Variants in TMOD2 observed in about 807,000 individuals in gnomAD.
TMOD2 encodes tropomodulin 2.
Under a neutral mutation model 39.9 loss-of-function variants are expected in TMOD2, and 22 were observed. The observed-to-expected ratio is 0.55, with a 90% CI of 0.39 to 0.79. TMOD2 has a LOEUF of 0.79. TMOD2 is among the 30% of genes least tolerant of loss of function. The pLI is 0.00. For missense variants in TMOD2, 386 were observed against 413.3 expected, an observed-to-expected ratio of 0.93 and a Z score of 0.57; for synonymous variants, 123 against 146.1, an observed-to-expected ratio of 0.84 and a Z score of 1.14.
intron 7 of TMOD2, among the ~76,000 whole-genome samples, chr15:51,786,528 A>T (rs996368325): frequency 6.6e-6 from 1 of 152,184 alleles, no homozygotes; most frequent in Admixed American, 6.5e-5. Context: ...CAGAAAACAT[A>T]TTTTGGGGTT....
At chr15:51,778,284 A>G (rs2055902893) in intron 5 of TMOD2, among the ~76,000 whole-genome samples, 1 of 142,220 alleles carries the variant, frequency 7.0e-6, no homozygotes, top group African/African-American at 2.6e-5. Flanking sequence ...GGAATTGAAC[A>G]ATGAGAACAC....
At position 51,808,753 on chromosome 15, in the gene TMOD2, T is replaced by G. The variant is rs1271371676; in HGVS notation, c.*299T>G. The G allele has an allele frequency of 7.1e-6, 2 of 281,934 alleles. No homozygotes were observed. The highest frequency in any genetic ancestry group is 1.3e-5 in the Non-Finnish European group (2 of 149,338). The allele number at this position is 281,934 out of a possible 1,614,324, so 17.5% of individuals were successfully genotyped here. ...CACTTTCTTATTGGGTTGTCTTGCT[T>G]TCTTACATGAACTTGTTTTTTTAAT... On this transcript the variant is annotated 3_prime_UTR_variant, in exon 10 of 10. Transcript: ENST00000249700.
intron 7 of TMOD2, among the ~76,000 whole-genome samples, chr15:51,791,450 A>G (rs2056011325): frequency 6.6e-6 from 1 of 152,258 alleles, no homozygotes; most frequent in South Asian, 2.1e-4. Flanking sequence ...TTGTAGATTC[A>G]ACACTATCCC....
At chr15:51,778,719 A>G (rs1186344636) in intron 5 of TMOD2, among the ~76,000 whole-genome samples, 1 of 141,620 alleles carries the variant, frequency 7.1e-6, no homozygotes, top group Non-Finnish European at 1.5e-5. Flanking sequence ...CAGTGGCACA[A>G]TCTCGGCTCA....
intron 1 of TMOD2, among the ~76,000 whole-genome samples, chr15:51,759,407 T>A (rs1241271367): frequency 6.6e-6 from 1 of 152,140 alleles, no homozygotes; most frequent in Non-Finnish European, 1.5e-5. Context: ...TGGATATATA[T>A]TATAATTAAA....
intron 8 of TMOD2, among the ~76,000 whole-genome samples, chr15:51,805,456 C>T (rs2056116286): frequency 6.6e-6 from 1 of 152,086 alleles, no homozygotes; most frequent in African/African-American, 2.4e-5. Context: ...CTCAGAATCA[C>T]CTAGCAAGAT....
chr15:51,764,629 A>G (rs952115166), intron 1 of TMOD2, among the ~76,000 whole-genome samples: 1 of 152,204 alleles, frequency 6.6e-6, no homozygotes, highest in Non-Finnish European at 1.5e-5. Flanking sequence ...AAGGCGCAGA[A>G]GGAAGGCCCT....
In TMOD2 at chr15:51,781,164, A is replaced by G; in HGVS notation, c.614A>G (p.Asn205Ser). 2 of 1,607,208 alleles carry G rather than the reference A, an allele frequency of 1.2e-6. No homozygotes were observed. Among genetic ancestry groups the G allele is most frequent in the Non-Finnish European group, 1.7e-6 (2 of 1,178,380 alleles). The change falls in exon 6 of 10, where the codon AAC becomes AGC. Residue 205 changes from asparagine (N) to serine (S), a missense_variant. Transcript: ENST00000249700. ...CCTAGCTTGCAAGAAGTCAACCTCA[A>G]CAACATTAAGGTATTTCATTGTGAT... Reference protein sequence around the residue: ...NDPSLQEVNLNNIKNIPIPTL... With the variant: ...NDPSLQEVNLSNIKNIPIPTL...
At chr15:51,784,426 T>TC (rs1408592981) in intron 7 of TMOD2, 1 of 152,222 alleles carries the variant, frequency 6.6e-6, no homozygotes, top group Non-Finnish European at 1.5e-5. Context: ...TGACTACCTA[T>TC]CATGGTCCTG....
chr15:51,775,866 G>A (rs1330133730), intron 4 of TMOD2, among the ~76,000 whole-genome samples: 3 of 152,022 alleles, frequency 2.0e-5, no homozygotes, highest in Non-Finnish European at 4.4e-5. Flanking sequence ...ATGAGCCATC[G>A]CACCCGGCCC....
intron 8 of TMOD2, 55 bp from the exon 9 acceptor site, chr15:51,806,322 A>G: frequency 1.2e-6 from 2 of 1,600,342 alleles, no homozygotes; most frequent in Non-Finnish European, 8.5e-7. Context: ...TGTGCAAGTA[A>G]CTGTTTCCTC....
intron 7 of TMOD2, among the ~76,000 whole-genome samples, chr15:51,786,301 G>C (rs2055969708): frequency 1.3e-5 from 2 of 152,030 alleles, no homozygotes; most frequent in Admixed American, 1.3e-4. Context: ...GTGCCTGGGT[G>C]ATGTTTTATT....
At chr15:51,782,396 G>C (rs1302721716) in intron 6 of TMOD2, among the ~76,000 whole-genome samples, 1 of 152,192 alleles carries the variant, frequency 6.6e-6, no homozygotes, top group Non-Finnish European at 1.5e-5. Context: ...TATTAAAACA[G>C]TGGCAAATAC....
intron 3 of TMOD2, among the ~76,000 whole-genome samples, chr15:51,771,858 C>A (rs1233704488): frequency 1.3e-5 from 2 of 152,080 alleles, no homozygotes; most frequent in African/African-American, 2.4e-5. Flanking sequence ...TAATTTGTTT[C>A]CCAGTGTATT....
chr15:51,786,796 G>A (rs1427548633), intron 7 of TMOD2, among the ~76,000 whole-genome samples: 2 of 152,212 alleles, frequency 1.3e-5, no homozygotes, highest in Non-Finnish European at 2.9e-5. Context: ...TTACAATGAT[G>A]CCACATAAAA....
chr15:51,809,511 G>A lies in TMOD2; in HGVS notation c.*1057G>A, dbSNP rs1295016562. 1 of 152,278 alleles carries A rather than the reference G, an allele frequency of 6.6e-6. No individual in the cohort carries two copies. Among genetic ancestry groups the A allele is most frequent in the Non-Finnish European group, 1.5e-5 (1 of 68,046 alleles). The allele number at this position is 152,278 out of a possible 1,614,324, so 9.4% of individuals were successfully genotyped here. A position where few individuals can be genotyped will look rare whatever the true frequency, so the allele number is the denominator to read the frequency against. Reference sequence around the variant, plus strand: ...ATGTGAATTATTTATCCAGATGCATGTCATCTCAAGGACAAAGCCTGTGAA... The same window carrying A: ...ATGTGAATTATTTATCCAGATGCATATCATCTCAAGGACAAAGCCTGTGAA... On this transcript the variant is annotated 3_prime_UTR_variant, in exon 10 of 10. Coordinates refer to ENST00000249700, the MANE Select transcript of TMOD2 (RefSeq NM_014548.4).
rs1481381090 is a variant in TMOD2 at position 51,782,802 on chromosome 15, A to G, written c.706A>G (p.Thr236Ala). The G allele has an allele frequency of 8.1e-6, 13 of 1,614,076 alleles. No individual in the cohort carries two copies. Among genetic ancestry groups the G allele is most frequent in the Non-Finnish European group, 1.1e-5 (13 of 1,179,936 alleles). Residue 236 changes from threonine to alanine, a missense_variant, in exon 7 of 10, where the codon ACT (threonine) becomes GCT (alanine). Transcript: ENST00000249700. The part of the protein sequence containing the change: ...THVKKFSLAA[T>A]RSNDPVAIAF... ...CGTGAAGAAGTTCAGCCTGGCCGCA[A>G]CTCGCAGCAATGACCCTGTGGCCAT... is the stretch of plus-strand genomic sequence containing the variant.
At chr15:51,793,211 A>G (rs1396768309) in intron 7 of TMOD2, among the ~76,000 whole-genome samples, 2 of 152,236 alleles carry the variant, frequency 1.3e-5, no homozygotes, top group South Asian at 2.1e-4. Context: ...TAGCCTCATC[A>G]TAAGTCAAGG....
At chr15:51,784,254 A>T (rs772216386) in intron 7 of TMOD2, 4 of 152,244 alleles carry the variant, frequency 2.6e-5, no homozygotes, top group South Asian at 4.1e-4. Flanking sequence ...TATGTCACTT[A>T]TCAAAAGCCT....
Sources: allele counts gnomAD v4.1 joint callset (sites outside exome capture counted in the v4.1 genomes callset), GRCh38; gene constraint gnomAD v4.1.1; transcripts MANE v1.5; gene names NCBI Gene and HGNC (gene_info 2026-07-23, HGNC 2026-07-21).